Variants in MYO18A observed in about 807,000 individuals in gnomAD.
MYO18A encodes myosin XVIIIA.
Under a neutral mutation model 235.8 loss-of-function variants are expected in MYO18A, and 78 were observed. The ratio of observed to expected loss-of-function variants is 0.33; its 90% CI spans 0.28 to 0.40. MYO18A has a LOEUF of 0.40. Among genes scored for constraint, MYO18A ranks in the 10% least tolerant of loss-of-function variants. The probability of loss-of-function intolerance (pLI) is 1.00; values close to 1 mark genes in which losing one functional copy is unlikely to be tolerated. For missense variants in MYO18A, 2,215 were observed against 2,699.3 expected (o/e 0.82, Z 3.98); for synonymous variants, 977 against 1,077.8 (o/e 0.91, Z 1.83).
intron 1 of MYO18A, among the ~76,000 whole-genome samples, chr17:29,177,822 C>T (rs914120189): frequency 6.6e-6 from 1 of 152,198 alleles, no homozygotes; most frequent in African/African-American, 2.4e-5. Context: ...CACGTGGATG[C>T]TCTGGCTCCT....
chr17:29,128,628 C>T lies in MYO18A; in HGVS notation c.1000-6375G>A, dbSNP rs570441788. On this transcript the variant is annotated intron_variant, in intron 2 of 41. Transcript: ENST00000527372. ...ATGCAGAGGGAATAAGAAGGTGTGA[C>T]CTCACGCCCTGGAACAGATCTCCCA... is the stretch of plus-strand genomic sequence containing the variant. The T allele has an allele frequency of 2.4e-4, 256 of 1,046,274 alleles. No homozygotes were observed. The African/African-American group carries it at 4.0e-3, about 16-fold the overall frequency. 64.8% of individuals were successfully genotyped at this position (1,046,274 alleles called of 1,614,324 possible).
At position 29,126,098 on chromosome 17, in the gene MYO18A, T is replaced by C. The variant is rs1359188201; in HGVS notation, c.1000-3845A>G. ...CGCCAGGGAGCAAGCCGCGCGGCAATCTGAGTTTTTAAACCATCAGATTAG... is the reference window on the plus strand; with the variant it reads ...CGCCAGGGAGCAAGCCGCGCGGCAACCTGAGTTTTTAAACCATCAGATTAG... On this transcript the variant is annotated intron_variant, in intron 2 of 41. Coordinates refer to ENST00000527372, the MANE Select transcript of MYO18A (RefSeq NM_078471.4). This position sits in a 1 kb window ranked among gnomAD's most constrained non-coding sequence, Gnocchi z 4.1. 1.2e-5 allele frequency: 3 copies of C among 256,178 alleles called. No individual in the cohort carries two copies. Among genetic ancestry groups the C allele is most frequent in the Non-Finnish European group, 1.8e-5 (3 of 162,850 alleles). 15.9% of individuals were successfully genotyped at this position (256,178 alleles called of 1,614,324 possible).
At position 29,169,111 on chromosome 17, in the gene MYO18A, G is replaced by A. The variant is rs556035728; in HGVS notation, c.-81-2090C>T. Among the ~76,000 whole-genome samples the A allele has an allele frequency of 2.5e-4, 38 of 151,964 alleles. 1 individual carries two copies. Among genetic ancestry groups the A allele is most frequent in the Admixed American group, 2.6e-4 (4 of 15,288 alleles). Reference sequence around the variant, plus strand: ...CTTGAACCCAGGAGGCAGAGGTGGCGTGATCTCGGCTCACTGCAACCTCTG... The same window carrying A: ...CTTGAACCCAGGAGGCAGAGGTGGCATGATCTCGGCTCACTGCAACCTCTG... On this transcript the variant is annotated intron_variant, in intron 1 of 41. Coordinates refer to ENST00000527372, the MANE Select transcript of MYO18A (RefSeq NM_078471.4).
At chr17:29,172,212 G>A (rs61144159) in intron 1 of MYO18A, among the ~76,000 whole-genome samples, 4,793 of 152,122 alleles carry the variant, frequency 0.032, 174 homozygotes, top group African/African-American at 0.088. Flanking sequence ...AATGGCTCAC[G>A]CCTGTAATCC....
At chr17:29,088,140 G>A (rs1035895584) in intron 37 of MYO18A, among the ~76,000 whole-genome samples, 14 of 141,058 alleles carry the variant, frequency 9.9e-5, no homozygotes, top group Non-Finnish European at 1.7e-4. Context: ...TGCAGGCTCC[G>A]CCCCCCGGGG....
intron 10 of MYO18A, 76 bp from the exon 11 acceptor site, chr17:29,116,531 C>A (rs528953990): frequency 1.3e-6 from 2 of 1,587,852 alleles, no homozygotes; most frequent in South Asian, 1.1e-5. Context: ...TAGAGCTCGC[C>A]GCCTCGGAGG....
rs2152825506 is a variant in MYO18A, at chr17:29,111,380, C to T, written c.2900+44G>A. 1 of 1,590,142 alleles carries T rather than the reference C, an allele frequency of 6.3e-7. No homozygotes were observed. Among genetic ancestry groups the T allele is most frequent in the South Asian group, 1.1e-5 (1 of 88,456 alleles). The stretch of plus-strand genomic sequence containing the variant: ...GGGGGAGGGAGCCCCAAAATCAAAA[C>T]AGTCCTGGGTACAGAACAGGGGCGG... On this transcript the variant is annotated intron_variant, in intron 17 of 41. Coordinates refer to ENST00000527372, the MANE Select transcript of MYO18A (RefSeq NM_078471.4). This position sits in a 1 kb window ranked among gnomAD's most constrained non-coding sequence, Gnocchi z 5.1.
Position 29,074,742 on chromosome 17 carries a change from TGA to T in MYO18A, c.*26_*27del. The stretch of plus-strand genomic sequence containing the variant: ...GCCCAGGCAGCCACAGGCCCTGGGG[TGA>T]GAGGGCTGCCAACCACTCCCCTGGG... On this transcript the variant is annotated 3_prime_UTR_variant, in exon 42 of 42. Transcript: ENST00000527372. This position sits in a 1 kb window ranked among gnomAD's most constrained non-coding sequence, Gnocchi z 4.4. 1 of 1,611,678 alleles carries T rather than the reference TGA, an allele frequency of 6.2e-7. No homozygotes were observed. The highest frequency in any genetic ancestry group is 8.5e-7 in the Non-Finnish European group (1 of 1,178,358).
At chr17:29,139,496 C>A (rs1347640253) in intron 2 of MYO18A, among the ~76,000 whole-genome samples, 1 of 152,164 alleles carries the variant, frequency 6.6e-6, no homozygotes, top group Non-Finnish European at 1.5e-5. Context: ...CAGGGCAGTC[C>A]TGAGCACAGA....
intron 41 of MYO18A, chr17:29,080,120 A>G: frequency 2.0e-6 from 2 of 985,858 alleles, no homozygotes; most frequent in Non-Finnish European, 2.4e-6. Context: ...GCAGAGGCGG[A>G]GCGGCGGATG....
chr17:29,072,795 A>G lies in MYO18A; in HGVS notation c.*1975T>C, dbSNP rs2065899669. Reference sequence around the variant, plus strand: ...TCATTCAGGGATTATAACTGGCCACACTACAGAATGAGAAGGTAGAAGGTA... The same window carrying G: ...TCATTCAGGGATTATAACTGGCCACGCTACAGAATGAGAAGGTAGAAGGTA... On this transcript the variant is annotated 3_prime_UTR_variant, in exon 42 of 42. Transcript: ENST00000527372. The G allele has an allele frequency of 6.6e-6, 1 of 152,200 alleles. No homozygotes were observed. Among genetic ancestry groups the G allele is most frequent in the South Asian group, 2.1e-4 (1 of 4,828 alleles). The allele number at this position is 152,200 out of a possible 1,614,324, so 9.4% of individuals were successfully genotyped here.
At chr17:29,173,054 A>G (rs985668055) in intron 1 of MYO18A, among the ~76,000 whole-genome samples, 1 of 152,166 alleles carries the variant, frequency 6.6e-6, no homozygotes, top group African/African-American at 2.4e-5. Context: ...GTGGAAACAC[A>G]AATTGGTAGG....
rs373508391 is a variant in MYO18A at position 29,114,026 on chromosome 17, G to A, written c.2583C>T (p.Ala861=). The A allele has an allele frequency of 9.4e-6, 15 of 1,599,210 alleles. No individual in the cohort carries two copies. The highest frequency in any genetic ancestry group is 3.4e-5 in the Admixed American group (2 of 58,096). The stretch of plus-strand genomic sequence containing the variant: ...GAGCTCCTACCAGGGACTGATGGGA[G>A]GCCTGGTCCACAGCAGCCACAGAGT... ...TDDSVAAVDQ[A]SHQSLVRSLA... The change falls in exon 15 of 42, where the codon GCC becomes GCT. Residue 861 remains alanine, a synonymous_variant. Coordinates refer to ENST00000527372, the MANE Select transcript of MYO18A (RefSeq NM_078471.4).
chr17:29,115,819 C>T lies in MYO18A; in HGVS notation c.2072G>A (p.Arg691His), dbSNP rs189836557. Reference sequence around the variant, plus strand: ...CGCAGCCTTCTGGGCCCACTCATGGCGGGCAAACTGCTTGCGCCCAGCTGT... The same window carrying T: ...CGCAGCCTTCTGGGCCCACTCATGGTGGGCAAACTGCTTGCGCCCAGCTGT... ...AAEAGRKQFA[R>H]HEWAQKAAYL... Residue 691 changes from arginine to histidine, a missense_variant, in exon 12 of 42, where the codon CGC (arginine) becomes CAC (histidine). Coordinates refer to ENST00000527372, the MANE Select transcript of MYO18A (RefSeq NM_078471.4). The T allele has an allele frequency of 2.1e-5, 34 of 1,583,840 alleles. No homozygotes were observed. In the African/African-American group the frequency reaches 2.2e-4, roughly 10 times the overall value.
Position 29,149,921 on chromosome 17 carries a change from A to C in MYO18A, c.999+16021T>G, listed in dbSNP as rs62065163. On this transcript the variant is annotated intron_variant, in intron 2 of 41. Coordinates refer to ENST00000527372, the MANE Select transcript of MYO18A (RefSeq NM_078471.4). ...TTCTCCTATCCACCCCCTCTGGTAG[A>C]CAGGAGGGAATAAACATAATGAAGC... Among the ~76,000 whole-genome samples, 757 of 152,370 alleles carry C rather than the reference A, an allele frequency of 5.0e-3. 1 individual carries two copies. Among genetic ancestry groups the C allele is most frequent in the Non-Finnish European group, 7.5e-3 (509 of 68,032 alleles).
intron 26 of MYO18A, among the ~76,000 whole-genome samples, chr17:29,097,560 C>A (rs958345880): frequency 3.3e-5 from 5 of 152,226 alleles, no homozygotes; most frequent in East Asian, 1.9e-4. Context: ...GCTGTGCCCC[C>A]CAAAGGACTG....
chr17:29,090,179 A>C, intron 36 of MYO18A, 81 bp from the exon 37 acceptor site: 2 of 1,484,030 alleles, frequency 1.3e-6, no homozygotes, highest in Non-Finnish European at 1.8e-6. Flanking sequence ...CAATATCACC[A>C]CAGTGACCAG....
chr17:29,113,498 T>TCC (rs1261090802), intron 15 of MYO18A, among the ~76,000 whole-genome samples: 4 of 151,986 alleles, frequency 2.6e-5, no homozygotes, highest in African/African-American at 9.7e-5. Context: ...TCCATGACAG[T>TCC]CCCCCAGAGG....
intron 2 of MYO18A, among the ~76,000 whole-genome samples, chr17:29,147,315 A>G (rs989609951): frequency 3.9e-5 from 6 of 152,064 alleles, no homozygotes; most frequent in African/African-American, 1.4e-4. Flanking sequence ...TCAGGAGTTC[A>G]AGACCAGCCT....
Sources: gnomAD v4.1 joint callset for allele counts (sites outside exome capture counted in the v4.1 genomes callset) on GRCh38, gnomAD v4.1.1 for gene constraint, Gnocchi (gnomAD v3.1) non-coding constraint, MANE v1.5 for transcripts, NCBI Gene and HGNC (gene_info 2026-07-23, HGNC 2026-07-21) for gene names.